TPH2: variants seen among roughly 807,000 people sequenced by gnomAD.
TPH2 encodes tryptophan 5-hydroxylase 2.
Under a neutral mutation model 59.1 loss-of-function variants are expected in TPH2, and 27 were observed. The ratio of observed to expected loss-of-function variants is 0.46; its 90% CI spans 0.34 to 0.63. The LOEUF (loss-of-function observed/expected upper bound fraction) is 0.63, where lower values mean the gene tolerates loss of function less well. Among genes scored for constraint, TPH2 ranks in the 30% least tolerant of loss-of-function variants. The pLI is 0.01. For missense variants in TPH2, 523 were observed against 588.3 expected (o/e 0.89, Z 1.15); for synonymous variants, 220 against 210.5 (o/e 1.05, Z -0.39).
At chr12:71,969,441 G>A (rs928719276) in intron 5 of TPH2, among the ~76,000 whole-genome samples, 2 of 152,144 alleles carry the variant, frequency 1.3e-5, no homozygotes, top group Admixed American at 1.3e-4. Flanking sequence ...TTTTCCTCAT[G>A]ACTATGATTT....
At chr12:72,001,886 C>T (rs1872832286) in intron 8 of TPH2, among the ~76,000 whole-genome samples, 2 of 151,908 alleles carry the variant, frequency 1.3e-5, no homozygotes, top group South Asian at 4.2e-4. Flanking sequence ...GATGAAGCTC[C>T]ATTTTGGAAA....
At chr12:71,955,812 C>T (rs918213957) in intron 5 of TPH2, among the ~76,000 whole-genome samples, 4 of 152,192 alleles carry the variant, frequency 2.6e-5, no homozygotes, top group African/African-American at 4.8e-5. Flanking sequence ...GTCTTCTCCA[C>T]TCCCCTCGGC....
intron 9 of TPH2, among the ~76,000 whole-genome samples, chr12:72,027,749 C>T (rs2139250102): frequency 6.6e-6 from 1 of 152,206 alleles, no homozygotes; most frequent in South Asian, 2.1e-4. Flanking sequence ...GTAGTAGCCG[C>T]CTCTGTGGAG....
intron 7 of TPH2, among the ~76,000 whole-genome samples, chr12:71,991,408 T>G (rs779265517): frequency 1.3e-5 from 2 of 152,260 alleles, no homozygotes; most frequent in Non-Finnish European, 2.9e-5. Context: ...GCCTGGCTCA[T>G]AGTAAGCATT....
chr12:71,946,966 A>G (rs1378327448), intron 4 of TPH2, among the ~76,000 whole-genome samples: 1 of 152,156 alleles, frequency 6.6e-6, no homozygotes, highest in African/African-American at 2.4e-5. Flanking sequence ...CACTTTGAGG[A>G]GCCAGCATCT....
chr12:71,951,714 G>A (rs886145576), intron 5 of TPH2, among the ~76,000 whole-genome samples: 1 of 151,942 alleles, frequency 6.6e-6, no homozygotes, highest in South Asian at 2.1e-4. Context: ...GTGTGTGTGT[G>A]TGTGTGTGTG....
At chr12:71,957,538 T>C (rs1871545470) in intron 5 of TPH2, among the ~76,000 whole-genome samples, 1 of 151,966 alleles carries the variant, frequency 6.6e-6, no homozygotes, top group African/African-American at 2.4e-5. Context: ...GGTCTCACTA[T>C]GTTGCCCAGG....
intron 8 of TPH2, among the ~76,000 whole-genome samples, chr12:72,008,439 C>T (rs1023338815): frequency 6.6e-6 from 1 of 152,120 alleles, no homozygotes; most frequent in Non-Finnish European, 1.5e-5. Context: ...CTTATTGTCC[C>T]AGGGCAGGGA....
chr12:71,976,493 T>C (rs1189828326), intron 6 of TPH2, among the ~76,000 whole-genome samples: 1 of 152,212 alleles, frequency 6.6e-6, no homozygotes, highest in Non-Finnish European at 1.5e-5. Flanking sequence ...TTATATTTTT[T>C]CTAATTCACA....
chr12:72,015,087 A>T (rs992201587), intron 8 of TPH2, among the ~76,000 whole-genome samples: 2 of 152,146 alleles, frequency 1.3e-5, no homozygotes, highest in African/African-American at 4.8e-5. Context: ...GCTGCTTGTA[A>T]ACTGACATTT....
chr12:71,985,375 G>A (rs1210212267), intron 7 of TPH2, among the ~76,000 whole-genome samples: 1 of 152,074 alleles, frequency 6.6e-6, no homozygotes, highest in Non-Finnish European at 1.5e-5. Flanking sequence ...GGCATATTTT[G>A]TAGAAGGGAT....
intron 7 of TPH2, among the ~76,000 whole-genome samples, chr12:71,987,870 TATAAG>T (rs1872483099): frequency 6.6e-6 from 1 of 151,940 alleles, no homozygotes; most frequent in African/African-American, 2.4e-5. Flanking sequence ...GAAAAAATAA[TATAAG>T]AGAGAAGAAA....
intron 8 of TPH2, among the ~76,000 whole-genome samples, chr12:72,014,724 G>C (rs1168610199): frequency 6.6e-6 from 1 of 152,066 alleles, no homozygotes; most frequent in Non-Finnish European, 1.5e-5. Flanking sequence ...TGCTTGCCCT[G>C]CAAAACAAAG....
intron 7 of TPH2, among the ~76,000 whole-genome samples, chr12:71,986,030 T>G (rs1468818478): frequency 6.6e-6 from 1 of 152,316 alleles, no homozygotes; most frequent in South Asian, 2.1e-4. Context: ...CTGGAGAAAC[T>G]TACTCCTTCT....
chr12:71,945,656 A>G (rs1172567511), intron 4 of TPH2, among the ~76,000 whole-genome samples: 1 of 152,106 alleles, frequency 6.6e-6, no homozygotes, highest in Admixed American at 6.6e-5. Flanking sequence ...TCACCTGGGA[A>G]TTTGTTTTAA....
intron 8 of TPH2, among the ~76,000 whole-genome samples, chr12:72,013,436 GC>G (rs1592411353): frequency 6.6e-6 from 1 of 152,080 alleles, no homozygotes; most frequent in East Asian, 1.9e-4. Flanking sequence ...CCTATGATGT[GC>G]CTTTTGGGTT....
rs1872201300 is a variant in TPH2 at position 71,979,121 on chromosome 12, C to T, written c.941+34C>T. On this transcript the variant is annotated intron_variant, in intron 7 of 10. Coordinates refer to ENST00000333850, the MANE Select transcript of TPH2 (RefSeq NM_173353.4). ...CTACATTAAAGCCCAGGCCACCACA[C>T]CATAAAGTGGTCAATGATCCCTTTA... 10 of 1,613,678 alleles carry T rather than the reference C, an allele frequency of 6.2e-6. No homozygotes were observed. In the South Asian group the frequency reaches 9.9e-5, roughly 16 times the overall value.
intron 5 of TPH2, 97 bp from the exon 6 acceptor site, chr12:71,972,422 T>A: frequency 8.3e-7 from 1 of 1,211,236 alleles, no homozygotes; most frequent in Non-Finnish European, 1.2e-6. Flanking sequence ...TGTGCTCCAC[T>A]TTGCCAGGGT....
At position 71,961,136 on chromosome 12, in the gene TPH2, T is replaced by G. The variant is rs561768892; in HGVS notation, c.609-11383T>G. Among the ~76,000 whole-genome samples, 501 of 152,312 alleles carry G rather than the reference T, an allele frequency of 3.3e-3. 1 individual carries two copies. Among genetic ancestry groups the G allele is most frequent in the African/African-American group, 0.012 (486 of 41,566 alleles). Reference sequence around the variant, plus strand: ...CTCAGTACCTTGTACTGATGTGTATTGGTCAAGAGTGGGGTCTCTAGAGCT... The same window carrying G: ...CTCAGTACCTTGTACTGATGTGTATGGGTCAAGAGTGGGGTCTCTAGAGCT... On this transcript the variant is annotated intron_variant, in intron 5 of 10. Transcript: ENST00000333850.
Sources: gnomAD v4.1 joint callset for allele counts (sites outside exome capture counted in the v4.1 genomes callset) on GRCh38, gnomAD v4.1.1 for gene constraint, MANE v1.5 for transcripts, NCBI Gene and HGNC (gene_info 2026-07-23, HGNC 2026-07-21) for gene names.